The following RPL7L1 variants were observed in gnomAD, a reference collection of about 807,000 sequenced individuals.
RPL7L1 encodes the protein ribosomal protein uL30-like.
RPL7L1 carries 20 observed loss-of-function variants against 30.3 expected under a neutral mutation model. The observed-to-expected ratio is 0.66, with a 90% CI of 0.46 to 0.96. RPL7L1 has a LOEUF of 0.96. Ranked by LOEUF, RPL7L1 falls within the 40% of genes least tolerant of loss-of-function variation. The probability of loss-of-function intolerance (pLI) is 0.00; values close to 1 mark genes in which losing one functional copy is unlikely to be tolerated. For synonymous variants in RPL7L1, 107 were observed against 110.1 expected, an observed-to-expected ratio of 0.97 and a Z score of 0.18; for missense variants, 271 against 314.9, an observed-to-expected ratio of 0.86 and a Z score of 1.05.
In RPL7L1 at chr6:42,883,609, CG is replaced by C; in HGVS notation, c.307del (p.Glu103LysfsTer6). 3 of 1,589,504 alleles carry C rather than the reference CG, an allele frequency of 1.9e-6. No homozygotes were observed. Among genetic ancestry groups the C allele is most frequent in the Non-Finnish European group, 2.6e-6 (3 of 1,170,526 alleles). On this transcript the variant is annotated frameshift_variant, in exon 3 of 6. Coordinates refer to ENST00000493763, the MANE Select transcript of RPL7L1 (RefSeq NM_001366481.3). LOFTEE classifies it high-confidence loss of function. ...KHSLAFVVRI[E>X]RIDGVSLLVQ... is the part of the protein sequence containing the mutation. ...ATTCCTTGGCCTTTGTTGTACGCAT[CG>C]AAAGGTAAGGAACTGGTGTCTTTCT... is the stretch of plus-strand genomic sequence containing the variant.
intron 2 of RPL7L1, 113 bp from the exon 3 acceptor site, chr6:42,883,338 C>T (rs1766147566): frequency 1.2e-6 from 1 of 807,500 alleles, no homozygotes; most frequent in Non-Finnish European, 1.9e-6. Context: ...CTTTGCTTCG[C>T]ATTGTGGAAC....
Position 42,888,764 on chromosome 6 carries a change from T to TGG in RPL7L1, c.*2300_*2301insGG, listed in dbSNP as rs1766373072. The TGG allele has an allele frequency of 1.3e-5, 2 of 151,974 alleles. No homozygotes were observed. Among genetic ancestry groups the TGG allele is most frequent in the Non-Finnish European group, 2.9e-5 (2 of 67,950 alleles). 9.4% of individuals were successfully genotyped at this position (151,974 alleles called of 1,614,324 possible). A position where few individuals can be genotyped will look rare whatever the true frequency, so the allele number is the denominator to read the frequency against. On this transcript the variant is annotated 3_prime_UTR_variant, in exon 6 of 6. Transcript: ENST00000493763. ...GATGAAATTAGCACTGTTTGGCTCG[T>TGG]TAGGCCCCAGGCAGGCAGGCACCTT...
At chr6:42,880,239 C>G (rs1766020872) in intron 1 of RPL7L1, among the ~76,000 whole-genome samples, 2 of 152,148 alleles carry the variant, frequency 1.3e-5, no homozygotes, top group African/African-American at 4.8e-5. Flanking sequence ...AGGCCTGCCC[C>G]CGCCCCAACC....
At chr6:42,883,676 A>C (rs545902085) in intron 3 of RPL7L1, 62 bp downstream of exon 3, 2 of 1,399,088 alleles carry the variant, frequency 1.4e-6, no homozygotes, top group Admixed American at 2.4e-5. Context: ...TAAGCTTTAG[A>C]CCCCTTTCTA....
chr6:42,886,858 G>A lies in RPL7L1; in HGVS notation c.*394G>A, dbSNP rs1766287053. ...AAAATACAAAAATGAGCTGGGTGTG[G>A]TGGCGCGTGCCTGTAGTCCCAGCTA... On this transcript the variant is annotated 3_prime_UTR_variant, in exon 6 of 6. Transcript: ENST00000493763. 5.4e-6 allele frequency: 1 copy of A among 186,034 alleles called. No individual in the cohort carries two copies. Among genetic ancestry groups the A allele is most frequent in the Non-Finnish European group, 1.1e-5 (1 of 87,428 alleles). 11.5% of individuals were successfully genotyped at this position (186,034 alleles called of 1,614,324 possible). A position where few individuals can be genotyped will look rare whatever the true frequency, so the allele number is the denominator to read the frequency against.
chr6:42,883,925 C>T (rs934585409), intron 3 of RPL7L1: 8 of 174,320 alleles, frequency 4.6e-5, no homozygotes, highest in South Asian at 1.7e-4. Context: ...TTCAGGCATA[C>T]GTGCTGAAGT....
intron 3 of RPL7L1, 91 bp downstream of exon 3, chr6:42,883,705 A>G: frequency 9.4e-7 from 1 of 1,068,714 alleles, no homozygotes; most frequent in Admixed American, 2.8e-5. Context: ...ATATGCCCCA[A>G]GCCACTCAGG....
chr6:42,885,729 G>A (rs1361460260), intron 4 of RPL7L1: 2 of 420,300 alleles, frequency 4.8e-6, no homozygotes, highest in African/African-American at 4.0e-5. Flanking sequence ...TGTTTTTGTT[G>A]GCAATATTTT....
In RPL7L1 at chr6:42,889,826, TAAA is replaced by T. The variant is rs961970740; in HGVS notation, c.*3366_*3368del. 37 of 152,332 alleles carry T rather than the reference TAAA, an allele frequency of 2.4e-4. No homozygotes were observed. The highest frequency in any genetic ancestry group is 7.0e-4 in the African/African-American group (29 of 41,578). The allele number at this position is 152,332 out of a possible 1,614,324, so 9.4% of individuals were successfully genotyped here. A position where few individuals can be genotyped will look rare whatever the true frequency, so the allele number is the denominator to read the frequency against. On this transcript the variant is annotated 3_prime_UTR_variant, in exon 6 of 6. Coordinates refer to ENST00000493763, the MANE Select transcript of RPL7L1 (RefSeq NM_001366481.3). ...GACTAAGTTGACGAAAAATAAATTTTAAAAAACCTAATAAAACAAGTTTGTAAT... is the reference window on the plus strand; with the variant it reads ...GACTAAGTTGACGAAAAATAAATTTTAAACCTAATAAAACAAGTTTGTAAT...
rs573377311 is a variant in RPL7L1, at chr6:42,886,288, A to G, written c.592A>G (p.Ile198Val). 5 of 1,611,638 alleles carry G rather than the reference A, an allele frequency of 3.1e-6. No homozygotes were observed. The South Asian group carries it at 4.4e-5, about 14-fold the overall frequency. Residue 198 changes from isoleucine (I) to valine (V), a missense_variant, in exon 6 of 6, where the codon ATT (isoleucine) becomes GTT (valine). Transcript: ENST00000493763. ...TGGCGTCATTTGCTTGGAAGACCTCATTCATGAAATTGCCTTCCCAGGGAA... is the reference window on the plus strand; with the variant it reads ...TGGCGTCATTTGCTTGGAAGACCTCGTTCATGAAATTGCCTTCCCAGGGAA... ...KFGVICLEDL[I>V]HEIAFPGKHF...
chr6:42,884,174 T>C (rs1766181273), intron 3 of RPL7L1, among the ~76,000 whole-genome samples: 1 of 152,194 alleles, frequency 6.6e-6, no homozygotes, highest in South Asian at 2.1e-4. Context: ...ACTGCTCATA[T>C]TTTTCCTGAA....
Position 42,879,818 on chromosome 6 carries a change from C to T in RPL7L1, c.-93C>T. ...CAAGGGCTCACTGCGGCTAAGTGAACGCTGACTGGTCCTCCAGCGTGAGCT... is the reference window on the plus strand; with the variant it reads ...CAAGGGCTCACTGCGGCTAAGTGAATGCTGACTGGTCCTCCAGCGTGAGCT... On this transcript the variant is annotated 5_prime_UTR_variant, in exon 1 of 6. In the 5' UTR this introduces an upstream ATG that the reference lacks. Coordinates refer to ENST00000493763, the MANE Select transcript of RPL7L1 (RefSeq NM_001366481.3). 2 of 1,381,702 alleles carry T rather than the reference C, an allele frequency of 1.4e-6. No homozygotes were observed. Among genetic ancestry groups the T allele is most frequent in the Non-Finnish European group, 2.1e-6 (2 of 972,144 alleles). The allele number at this position is 1,381,702 out of a possible 1,614,324, so 85.6% of individuals were successfully genotyped here.
chr6:42,884,498 C>T (rs1169825509), intron 3 of RPL7L1, 115 bp from the exon 4 acceptor site: 4 of 910,026 alleles, frequency 4.4e-6, no homozygotes, highest in Non-Finnish European at 6.9e-6. Context: ...CTCTTTAAGG[C>T]ATAGTCTCTG....
chr6:42,885,966 C>T lies in RPL7L1; in HGVS notation c.450-8C>T, dbSNP rs757697659. The T allele has an allele frequency of 1.7e-5, 27 of 1,545,850 alleles. No individual in the cohort carries two copies. Among genetic ancestry groups the T allele is most frequent in the Non-Finnish European group, 2.1e-5 (24 of 1,119,692 alleles). On this transcript the variant is annotated splice_polypyrimidine_tract_variant and splice_region_variant and intron_variant, in intron 4 of 5. Coordinates refer to ENST00000493763, the MANE Select transcript of RPL7L1 (RefSeq NM_001366481.3). ...CTGGTGAAAACCGTGCTTTATTTTC[C>T]TACATAGATTTCCAAATCTGAAGTC...
intron 1 of RPL7L1, 54 bp downstream of exon 1, chr6:42,880,005 A>G: frequency 1.9e-6 from 3 of 1,567,072 alleles, no homozygotes; most frequent in Non-Finnish European, 2.6e-6. Context: ...ATCCGGTGCC[A>G]TCCACGGTGT....
intron 4 of RPL7L1, among the ~76,000 whole-genome samples, chr6:42,885,319 C>CAGCTGGGCGACAGAGCGAG: frequency 8.1e-6 from 1 of 123,934 alleles, no homozygotes; most frequent in African/African-American, 2.9e-5. Flanking sequence ...CACTGCAATC[C>CAGCTGGGCGACAGAGCGAG]ACTCTGTCTC....
chr6:42,880,892 C>G lies in RPL7L1; in HGVS notation c.73C>G (p.Leu25Val). Residue 25 changes from leucine (L) to valine (V), a missense_variant, in exon 2 of 6, where the codon CTC (leucine) becomes GTC (valine). Leu to Val is a conservative substitution (Grantham distance 32). Coordinates refer to ENST00000493763, the MANE Select transcript of RPL7L1 (RefSeq NM_001366481.3). ...AAAAATCCCTTTGGTTCCAGAAAATCTCCTGAAAAAGAGGAAGGCTTATCA... is the reference window on the plus strand; with the variant it reads ...AAAAATCCCTTTGGTTCCAGAAAATGTCCTGAAAAAGAGGAAGGCTTATCA... ...QRKIPLVPENLLKKRKAYQAL... is the reference protein window; with the variant it reads ...QRKIPLVPENVLKKRKAYQAL... 3 of 1,606,376 alleles carry G rather than the reference C, an allele frequency of 1.9e-6. No individual in the cohort carries two copies. Among genetic ancestry groups the G allele is most frequent in the Non-Finnish European group, 1.7e-6 (2 of 1,173,644 alleles).
chr6:42,883,706 G>GAT, intron 3 of RPL7L1, 92 bp downstream of exon 3: 1 of 1,033,586 alleles, frequency 9.7e-7, no homozygotes, highest in Non-Finnish European at 1.4e-6. Context: ...TATGCCCCAA[G>GAT]CCACTCAGGC....
chr6:42,880,511 TTTG>T (rs1352585483), intron 1 of RPL7L1: 20 of 231,446 alleles, frequency 8.6e-5, no homozygotes, highest in Admixed American at 7.4e-4. Context: ...CGTTTTCTTT[TTTG>T]TTGTTGTTTT....
Sources: gnomAD v4.1 joint callset for allele counts (sites outside exome capture counted in the v4.1 genomes callset) on GRCh38, gnomAD v4.1.1 for gene constraint, MANE v1.5 for transcripts, NCBI Gene and HGNC (gene_info 2026-07-23, HGNC 2026-07-21) for gene names.